The following SORCS3 variants were observed in gnomAD, a reference collection of about 807,000 sequenced individuals.
SORCS3 encodes the protein sortilin related VPS10 domain containing receptor 3, also known as VPS10 domain-containing receptor SorCS3.
In SORCS3, 57 loss-of-function variants were observed where a neutral mutation model predicts 146.3. The ratio of observed to expected loss-of-function variants is 0.39; its 90% CI spans 0.31 to 0.49. The LOEUF is 0.49. Among genes scored for constraint, SORCS3 ranks in the 20% least tolerant of loss-of-function variants. The pLI is 0.92. For synonymous variants in SORCS3, 653 were observed against 618.5 expected (o/e 1.06, Z -0.83); for missense variants, 1,341 against 1,575.5 (o/e 0.85, Z 2.52).
At chr10:105,218,042 A>G (rs2056675897) in intron 19 of SORCS3, among the ~76,000 whole-genome samples, 1 of 152,204 alleles carries the variant, frequency 6.6e-6, no homozygotes, top group Non-Finnish European at 1.5e-5. Flanking sequence ...TCCTATTAAC[A>G]ACTCAGTGAT....
chr10:104,815,650 T>A (rs2017789324), intron 1 of SORCS3, among the ~76,000 whole-genome samples: 1 of 151,930 alleles, frequency 6.6e-6, no homozygotes, highest in Admixed American at 6.6e-5. Context: ...ATTTCCACAA[T>A]GACATACTAA....
At chr10:105,243,899 C>G (rs536864544) in intron 20 of SORCS3, among the ~76,000 whole-genome samples, 2 of 152,294 alleles carry the variant, frequency 1.3e-5, no homozygotes, top group East Asian at 1.9e-4. Context: ...AAAGCTGCAG[C>G]TGGGAGCCTC....
intron 4 of SORCS3, among the ~76,000 whole-genome samples, chr10:104,999,841 C>T (rs1281260157): frequency 6.6e-6 from 1 of 152,174 alleles, no homozygotes; most frequent in South Asian, 2.1e-4. Flanking sequence ...CTCCATCCCA[C>T]TAGCTCCTTC....
chr10:104,875,191 A>T (rs1396781158), intron 2 of SORCS3, among the ~76,000 whole-genome samples: 1 of 152,214 alleles, frequency 6.6e-6, no homozygotes, highest in Non-Finnish European at 1.5e-5. Flanking sequence ...CAGTTGGTAG[A>T]TATTTCCAAG....
At chr10:105,217,265 A>T in intron 19 of SORCS3, 143 bp downstream of exon 19, 1 of 744,938 alleles carries the variant, frequency 1.3e-6, no homozygotes, top group Admixed American at 2.6e-5. Flanking sequence ...ATATGTACTC[A>T]TCTGTGTTTC....
chr10:105,161,390 T>G (rs1013878813), intron 11 of SORCS3, among the ~76,000 whole-genome samples: 2 of 152,084 alleles, frequency 1.3e-5, no homozygotes, highest in African/African-American at 4.8e-5. Context: ...GCAGGGTCCT[T>G]TCCCATATCC....
intron 3 of SORCS3, among the ~76,000 whole-genome samples, chr10:104,972,872 A>G (rs2054869382): frequency 6.6e-6 from 1 of 152,206 alleles, no homozygotes; most frequent in African/African-American, 2.4e-5. Flanking sequence ...ATGTCCCATC[A>G]ATACCTAATT....
chr10:104,858,725 C>T (rs1439520531), intron 2 of SORCS3, among the ~76,000 whole-genome samples: 2 of 151,370 alleles, frequency 1.3e-5, no homozygotes, highest in African/African-American at 2.4e-5. Context: ...GGGTTCAAGC[C>T]ATTCTCCTGC....
At chr10:104,921,628 ACTACACTT>A (rs1183353589) in intron 3 of SORCS3, among the ~76,000 whole-genome samples, 2 of 151,842 alleles carry the variant, frequency 1.3e-5, no homozygotes, top group African/African-American at 4.8e-5. Context: ...TAAGTTCCTT[ACTACACTT>A]TATTCTAAGT....
In SORCS3 at chr10:104,811,291, A is replaced by AACC. The variant is rs1686648281; in HGVS notation, c.628-31493_628-31491dup. Among the ~76,000 whole-genome samples the AACC allele has an allele frequency of 2.0e-5, 3 of 152,306 alleles. No individual in the cohort carries two copies. The South Asian group carries it at 6.2e-4, about 32-fold the overall frequency. The stretch of plus-strand genomic sequence containing the variant: ...ATGGGAGTGGGACCTGCAAACAATC[A>AACC]ACCACCACCAGGATAATTACTCTAA... On this transcript the variant is annotated intron_variant, in intron 1 of 26. Transcript: ENST00000369701.
At chr10:105,105,982 A>T (rs764308068) in intron 7 of SORCS3, among the ~76,000 whole-genome samples, 1 of 152,098 alleles carries the variant, frequency 6.6e-6, no homozygotes, top group Non-Finnish European at 1.5e-5. Context: ...CCATGTCCCA[A>T]AGCGTTTACT....
intron 3 of SORCS3, among the ~76,000 whole-genome samples, chr10:104,929,170 AGTT>A (rs1235246582): frequency 6.6e-6 from 1 of 152,228 alleles, no homozygotes; most frequent in Non-Finnish European, 1.5e-5. Context: ...TCTAAGCCTT[AGTT>A]GTTTAATCTG....
intron 4 of SORCS3, among the ~76,000 whole-genome samples, chr10:105,016,155 A>ATATATATATAT (rs71482443): frequency 5.9e-5 from 6 of 101,322 alleles, no homozygotes; most frequent in African/African-American, 1.9e-4. Flanking sequence ...ATATATATAT[A>ATATATATATAT]TTTTTTTTTT....
intron 5 of SORCS3, among the ~76,000 whole-genome samples, chr10:105,056,428 A>G (rs1278971088): frequency 1.3e-5 from 2 of 152,152 alleles, no homozygotes; most frequent in African/African-American, 4.8e-5. Flanking sequence ...TCGAGGAGCA[A>G]TGAGAAATAA....
chr10:104,709,897 T>G (rs1450753867), intron 1 of SORCS3, among the ~76,000 whole-genome samples: 1 of 141,578 alleles, frequency 7.1e-6, no homozygotes, highest in Admixed American at 7.0e-5. Context: ...GTGGTGTTGG[T>G]TTTTTTTTTT....
intron 1 of SORCS3, among the ~76,000 whole-genome samples, chr10:104,655,475 T>C (rs1304264722): frequency 6.6e-6 from 1 of 152,146 alleles, no homozygotes; most frequent in Non-Finnish European, 1.5e-5. Context: ...TCTCATCATT[T>C]AGCTCCCACT....
At chr10:104,974,373 G>A (rs1051772402) in intron 3 of SORCS3, among the ~76,000 whole-genome samples, 1 of 152,116 alleles carries the variant, frequency 6.6e-6, no homozygotes, top group African/African-American at 2.4e-5. Context: ...ATGAACCTGG[G>A]TGCTCCTGTA....
At chr10:104,907,653 G>A (rs1263166638) in intron 2 of SORCS3, among the ~76,000 whole-genome samples, 1 of 152,168 alleles carries the variant, frequency 6.6e-6, no homozygotes, top group Non-Finnish European at 1.5e-5. Context: ...AATAGTGGGG[G>A]CAGGAGGAAA....
intron 12 of SORCS3, 85 bp from the exon 13 acceptor site, chr10:105,167,173 A>G: frequency 9.4e-7 from 1 of 1,066,054 alleles, no homozygotes; most frequent in East Asian, 2.5e-5. Flanking sequence ...AGATGAAACA[A>G]TATATGTGAA....
Sources: gnomAD v4.1 joint callset for allele counts (sites outside exome capture counted in the v4.1 genomes callset) on GRCh38, gnomAD v4.1.1 for gene constraint, MANE v1.5 for transcripts, NCBI Gene and HGNC (gene_info 2026-07-23, HGNC 2026-07-21) for gene names.